Variants in CMIP observed in about 807,000 individuals in gnomAD.
CMIP encodes the protein C-Maf-inducing protein.
In CMIP, 13 loss-of-function variants were observed where a neutral mutation model predicts 97.3. The ratio of observed to expected loss-of-function variants is 0.13; its 90% CI spans 0.09 to 0.21. CMIP has a LOEUF of 0.21. CMIP is among the 10% of genes least tolerant of loss of function. The pLI is 1.00. For missense variants in CMIP, 847 were observed against 1,024.9 expected (o/e 0.83, Z 2.37); for synonymous variants, 538 against 436.3 (o/e 1.23, Z -2.91).
chr16:81,531,200 C>T (rs2090228214), intron 1 of CMIP, among the ~76,000 whole-genome samples: 1 of 152,112 alleles, frequency 6.6e-6, no homozygotes, highest in African/African-American at 2.4e-5. Flanking sequence ...GAAACTTAGA[C>T]ACAGAGAGAC....
intron 8 of CMIP, among the ~76,000 whole-genome samples, chr16:81,671,527 T>G (rs1334198592): frequency 6.6e-6 from 1 of 152,222 alleles, no homozygotes; most frequent in African/African-American, 2.4e-5. Context: ...TAGGAATAAT[T>G]AATTATTCCT....
intron 1 of CMIP, among the ~76,000 whole-genome samples, chr16:81,590,498 C>T (rs115546605): frequency 6.8e-4 from 103 of 152,312 alleles, no homozygotes; most frequent in African/African-American, 2.4e-3. Flanking sequence ...ATGTGGGTGT[C>T]CCTGGGAGAG....
chr16:81,596,597 A>C (rs1240900125), intron 1 of CMIP, among the ~76,000 whole-genome samples: 1 of 152,156 alleles, frequency 6.6e-6, no homozygotes, highest in Non-Finnish European at 1.5e-5. Flanking sequence ...ACTTTAACAA[A>C]GTGAACACCC....
chr16:81,549,689 C>G (rs974171091), intron 1 of CMIP, among the ~76,000 whole-genome samples: 2 of 152,212 alleles, frequency 1.3e-5, no homozygotes, highest in Non-Finnish European at 2.9e-5. Context: ...ACACAGGCAG[C>G]AAGGACTGGC....
At chr16:81,493,697 A>G (rs1330077299) in intron 1 of CMIP, among the ~76,000 whole-genome samples, 2 of 152,236 alleles carry the variant, frequency 1.3e-5, no homozygotes, top group South Asian at 2.1e-4. Flanking sequence ...AGTAATAACA[A>G]TGGCAGCAAC....
chr16:81,663,406 A>C lies in CMIP; in HGVS notation c.745-863A>C, dbSNP rs145476405. Among the ~76,000 whole-genome samples the C allele has an allele frequency of 2.0e-3, 307 of 152,338 alleles. 1 individual carries two copies. Among genetic ancestry groups the C allele is most frequent in the Non-Finnish European group, 3.6e-3 (244 of 68,038 alleles). On this transcript the variant is annotated intron_variant, in intron 6 of 20. Transcript: ENST00000537098. ...AAAAGGCTGCACACTGCACGATTCC[A>C]ACTACAGGACATTCTGAAAAAAGCA...
At chr16:81,569,624 T>G (rs1373303796) in intron 1 of CMIP, among the ~76,000 whole-genome samples, 2 of 152,252 alleles carry the variant, frequency 1.3e-5, no homozygotes, top group African/African-American at 4.8e-5. Context: ...AAGTCCCGAT[T>G]TGCAATGCTT....
At chr16:81,455,736 T>A (rs1253530777) in intron 1 of CMIP, among the ~76,000 whole-genome samples, 1 of 152,184 alleles carries the variant, frequency 6.6e-6, no homozygotes. Context: ...GGGCTCAGCC[T>A]GGTGAGCTCC....
chr16:81,584,494 A>G (rs1013382840), intron 1 of CMIP, among the ~76,000 whole-genome samples: 12 of 152,168 alleles, frequency 7.9e-5, no homozygotes, highest in Non-Finnish European at 1.3e-4. Flanking sequence ...TAAGTGTAAA[A>G]TCATCCTTCT....
At position 81,476,421 on chromosome 16, in the gene CMIP, T is replaced by C. The variant is rs1349135313; in HGVS notation, c.300+30880T>C. The C allele has an allele frequency of 8.8e-6, 9 of 1,021,214 alleles. No individual in the cohort carries two copies. The East Asian group carries it at 2.3e-4, about 26-fold the overall frequency. The allele number at this position is 1,021,214 out of a possible 1,614,324, so 63.3% of individuals were successfully genotyped here. A position where few individuals can be genotyped will look rare whatever the true frequency, so the allele number is the denominator to read the frequency against. On this transcript the variant is annotated intron_variant, in intron 1 of 20. Transcript: ENST00000537098. ...CAGTGCTCAGAGCGTGAAAGTTTTC[T>C]GCTGTCTTTGGAAACTTGTTTGCAA...
chr16:81,602,246 T>TG (rs1184103909), intron 1 of CMIP, among the ~76,000 whole-genome samples: 1 of 151,116 alleles, frequency 6.6e-6, no homozygotes, highest in African/African-American at 2.5e-5. Context: ...TGCGATAATG[T>TG]GGGGAAAAAA....
intron 1 of CMIP, among the ~76,000 whole-genome samples, chr16:81,499,271 T>C (rs1221759423): frequency 6.6e-6 from 1 of 152,162 alleles, no homozygotes; most frequent in Non-Finnish European, 1.5e-5. Context: ...CTCAAGGTCA[T>C]GGATGCACAT....
chr16:81,581,510 C>T (rs2091295957), intron 1 of CMIP, among the ~76,000 whole-genome samples: 1 of 152,112 alleles, frequency 6.6e-6, no homozygotes, highest in Non-Finnish European at 1.5e-5. Context: ...AGAAAAGGCA[C>T]AGTAAAAATA....
intron 10 of CMIP, among the ~76,000 whole-genome samples, chr16:81,680,307 G>C (rs932865739): frequency 6.6e-6 from 1 of 152,246 alleles, no homozygotes; most frequent in Non-Finnish European, 1.5e-5. Flanking sequence ...GGTTTCGAGG[G>C]ACAGAGGGCA....
At chr16:81,449,678 C>A (rs986655630) in intron 1 of CMIP, among the ~76,000 whole-genome samples, 12 of 151,994 alleles carry the variant, frequency 7.9e-5, no homozygotes, top group East Asian at 5.8e-4. Context: ...TTCCCCCCCC[C>A]CCTTTCCATG....
At chr16:81,705,352 G>A in intron 18 of CMIP, 147 bp from the exon 19 acceptor site, 3 of 584,626 alleles carry the variant, frequency 5.1e-6, no homozygotes, top group Non-Finnish European at 9.0e-6. Flanking sequence ...TAGGGGACGT[G>A]AACGCAGCCC....
At chr16:81,501,863 C>G (rs142227076) in intron 1 of CMIP, among the ~76,000 whole-genome samples, 1 of 152,108 alleles carries the variant, frequency 6.6e-6, no homozygotes. Flanking sequence ...CCGCCCACCT[C>G]GGCCTCCCAA....
At chr16:81,488,234 G>C (rs534515203) in intron 1 of CMIP, among the ~76,000 whole-genome samples, 2 of 152,102 alleles carry the variant, frequency 1.3e-5, no homozygotes, top group African/African-American at 4.8e-5. Flanking sequence ...ACCGTAGGGG[G>C]TTAAGGGCTC....
intron 1 of CMIP, among the ~76,000 whole-genome samples, chr16:81,451,128 C>T (rs981865526): frequency 2.6e-5 from 4 of 152,160 alleles, no homozygotes; most frequent in African/African-American, 9.7e-5. Context: ...GATGTGTTCC[C>T]ACTTAAATCT....
Sources: allele counts gnomAD v4.1 joint callset (sites outside exome capture counted in the v4.1 genomes callset), GRCh38; gene constraint gnomAD v4.1.1; transcripts MANE v1.5; gene names NCBI Gene and HGNC (gene_info 2026-07-23, HGNC 2026-07-21).